SGMS1: variants seen among roughly 807,000 people sequenced by gnomAD.
SGMS1 encodes sphingomyelin synthase 1.
A neutral mutation model predicts 46.2 loss-of-function variants in SGMS1; 13 were observed. The observed-to-expected ratio is 0.28, with a 90% CI of 0.18 to 0.45. SGMS1 has a LOEUF of 0.45. SGMS1 is among the 20% of genes least tolerant of loss of function. The probability of loss-of-function intolerance (pLI) is 1.00; values close to 1 mark genes in which losing one functional copy is unlikely to be tolerated. For synonymous variants in SGMS1, 203 were observed against 187.8 expected, an observed-to-expected ratio of 1.08 and a Z score of -0.66; for missense variants, 324 against 519.9, an observed-to-expected ratio of 0.62 and a Z score of 3.66.
At chr10:50,501,583 C>G (rs1156723871) in intron 3 of SGMS1, among the ~76,000 whole-genome samples, 1 of 152,116 alleles carries the variant, frequency 6.6e-6, no homozygotes, top group South Asian at 2.1e-4. Flanking sequence ...GCTAAAACAG[C>G]TTGTAAATAA....
intron 6 of SGMS1, among the ~76,000 whole-genome samples, chr10:50,352,521 A>AC (rs1848037500): frequency 1.3e-5 from 2 of 152,230 alleles, no homozygotes; most frequent in Admixed American, 6.5e-5. Context: ...TCCCAAAATA[A>AC]CACAAAATTT....
rs865806712 is a variant in SGMS1, at chr10:50,607,808, C to T, written c.-684+15899G>A. Among the ~76,000 whole-genome samples, 11 of 152,276 alleles carry T rather than the reference C, an allele frequency of 7.2e-5. No individual in the cohort carries two copies. The South Asian group carries it at 2.3e-3, about 32-fold the overall frequency. The stretch of plus-strand genomic sequence containing the variant: ...AGAAAATCTTCAGGTCCAGGAGTCA[C>T]AGAGAAGACAAGTCAGTTATATGAC... On this transcript the variant is annotated intron_variant, in intron 1 of 10. Transcript: ENST00000361781.
chr10:50,485,081 A>G (rs1325069455), intron 3 of SGMS1, among the ~76,000 whole-genome samples: 2 of 152,180 alleles, frequency 1.3e-5, no homozygotes, highest in East Asian at 1.9e-4. Flanking sequence ...AGGGTATTCA[A>G]ATTTTAAAAA....
At chr10:50,422,122 C>G (rs543556422) in intron 6 of SGMS1, among the ~76,000 whole-genome samples, 31 of 152,292 alleles carry the variant, frequency 2.0e-4, no homozygotes, top group African/African-American at 7.2e-4. Context: ...TTCCATTTCA[C>G]AACTAACATA....
intron 6 of SGMS1, among the ~76,000 whole-genome samples, chr10:50,362,745 G>A (rs980781681): frequency 6.6e-6 from 1 of 152,080 alleles, no homozygotes; most frequent in African/African-American, 2.4e-5. Context: ...ATATAAAACA[G>A]GTTTGAAGAG....
At chr10:50,524,616 C>G (rs183055922) in intron 2 of SGMS1, among the ~76,000 whole-genome samples, 14 of 152,188 alleles carry the variant, frequency 9.2e-5, no homozygotes, top group Non-Finnish European at 1.8e-4. Context: ...TTATTTAGTG[C>G]TACTACTAAG....
intron 6 of SGMS1, among the ~76,000 whole-genome samples, chr10:50,394,282 C>T (rs570223191): frequency 3.9e-5 from 6 of 152,296 alleles, no homozygotes; most frequent in South Asian, 2.1e-4. Flanking sequence ...AGAGTCTTAG[C>T]GTTTGTGTCG....
chr10:50,505,737 T>C (rs551598438), intron 3 of SGMS1, among the ~76,000 whole-genome samples: 1 of 152,286 alleles, frequency 6.6e-6, no homozygotes, highest in African/African-American at 2.4e-5. Flanking sequence ...AAGGTGCTGC[T>C]GAGCCCAAGG....
intron 3 of SGMS1, among the ~76,000 whole-genome samples, chr10:50,503,720 G>A (rs945600538): frequency 1.3e-5 from 2 of 152,206 alleles, no homozygotes; most frequent in African/African-American, 2.4e-5. Context: ...AGCTCGTGGA[G>A]GAGAGAAGAG....
intron 5 of SGMS1, among the ~76,000 whole-genome samples, chr10:50,452,180 TAGAC>T (rs1374466309): frequency 6.6e-6 from 1 of 152,138 alleles, no homozygotes; most frequent in Admixed American, 6.5e-5. Context: ...AATAAAATGC[TAGAC>T]AATCAAATGG....
chr10:50,574,002 C>T (rs1405206152), intron 2 of SGMS1, among the ~76,000 whole-genome samples: 2 of 152,114 alleles, frequency 1.3e-5, no homozygotes, highest in Non-Finnish European at 2.9e-5. Flanking sequence ...CCATGTCTTA[C>T]ATCATATACA....
intron 7 of SGMS1, 200 bp downstream of exon 7, chr10:50,343,292 C>A: frequency 1.9e-6 from 1 of 529,042 alleles, no homozygotes; most frequent in Non-Finnish European, 3.2e-6. Flanking sequence ...ATGAATCTTG[C>A]ATAAAACAGG....
intron 6 of SGMS1, among the ~76,000 whole-genome samples, chr10:50,424,544 A>T (rs1189495323): frequency 6.6e-6 from 1 of 152,234 alleles, no homozygotes; most frequent in African/African-American, 2.4e-5. Context: ...CAACAAAAGC[A>T]AAAGTTGACA....
intron 2 of SGMS1, among the ~76,000 whole-genome samples, chr10:50,528,345 A>G (rs963333591): frequency 2.0e-5 from 3 of 152,192 alleles, no homozygotes; most frequent in Non-Finnish European, 4.4e-5. Context: ...ATTTTACTCA[A>G]TCTTCAAAAA....
chr10:50,464,219 G>C (rs184617117), intron 4 of SGMS1, among the ~76,000 whole-genome samples: 2 of 152,292 alleles, frequency 1.3e-5, no homozygotes, highest in African/African-American at 4.8e-5. Context: ...TGGATTATCT[G>C]AATGGGCCTA....
At chr10:50,612,758 G>A (rs1248262010) in intron 1 of SGMS1, among the ~76,000 whole-genome samples, 2 of 152,184 alleles carry the variant, frequency 1.3e-5, no homozygotes, top group African/African-American at 4.8e-5. Flanking sequence ...GCCCAGGCTG[G>A]AGTGCAGTGG....
chr10:50,532,251 G>T (rs1837961622), intron 2 of SGMS1, among the ~76,000 whole-genome samples: 1 of 151,052 alleles, frequency 6.6e-6, no homozygotes, highest in Admixed American at 6.6e-5. Context: ...GTGTGTGTGT[G>T]TGTGTGTGTG....
At chr10:50,346,094 ACT>A (rs535006950) in intron 6 of SGMS1, among the ~76,000 whole-genome samples, 219 of 152,318 alleles carry the variant, frequency 1.4e-3, no homozygotes, top group African/African-American at 4.9e-3. Context: ...CCACAGTTTG[ACT>A]CTCAGCATCT....
At position 50,322,725 on chromosome 10, in the gene SGMS1, G is replaced by A. The variant is rs11005191; in HGVS notation, c.741+4480C>T. On this transcript the variant is annotated intron_variant, in intron 8 of 10. Transcript: ENST00000361781. ...CGGGCGCCTGTAGTCCCAGCTACTCGGGAGGCTGAGGCAGGAGAATGGCGT... is the reference window on the plus strand; with the variant it reads ...CGGGCGCCTGTAGTCCCAGCTACTCAGGAGGCTGAGGCAGGAGAATGGCGT... 8.1e-4 allele frequency among the ~76,000 whole-genome samples: 122 copies of A among 151,236 alleles called. No individual in the cohort carries two copies. In the East Asian group the frequency reaches 0.018, roughly 22 times the overall value.
Sources: allele counts gnomAD v4.1 joint callset (sites outside exome capture counted in the v4.1 genomes callset), GRCh38; gene constraint gnomAD v4.1.1; transcripts MANE v1.5; gene names NCBI Gene and HGNC (gene_info 2026-07-23, HGNC 2026-07-21).